HOOK1: variants seen among roughly 807,000 people sequenced by gnomAD.
HOOK1 encodes hook microtubule tethering protein 1.
HOOK1 carries 60 observed loss-of-function variants against 112.8 expected under a neutral mutation model. That is an observed-to-expected ratio of 0.53 (90% CI 0.43 to 0.66). HOOK1 has a LOEUF of 0.66. Ranked by LOEUF, HOOK1 falls within the 30% of genes least tolerant of loss-of-function variation. The probability of loss-of-function intolerance (pLI) is 0.00; values close to 1 mark genes in which losing one functional copy is unlikely to be tolerated. For missense variants in HOOK1, 770 were observed against 856.0 expected (o/e 0.90, Z 1.25); for synonymous variants, 294 against 283.8 (o/e 1.04, Z -0.36).
rs779584411 is a variant in HOOK1, at chr1:59,849,128, C to A, written c.1187C>A (p.Ala396Glu). 19 of 1,609,314 alleles carry A rather than the reference C, an allele frequency of 1.2e-5. No individual in the cohort carries two copies. The African/African-American group carries it at 2.5e-4, about 22-fold the overall frequency. The change falls in exon 12 of 22, where the codon GCG becomes GAG. Residue 396 changes from alanine (A) to glutamate (E), a missense_variant. Coordinates refer to ENST00000371208, the MANE Select transcript of HOOK1 (RefSeq NM_015888.6). ...GAATCCAAGAGGGCAGACACACTAG[C>A]GTTTGAAATGAAGCGGCTTGAAGAA... Reference protein sequence around the residue: ...SSESKRADTLAFEMKRLEEKH... With the variant: ...SSESKRADTLEFEMKRLEEKH...
intron 9 of HOOK1, among the ~76,000 whole-genome samples, chr1:59,843,809 A>T (rs1479199987): frequency 6.6e-6 from 1 of 152,046 alleles, no homozygotes; most frequent in African/African-American, 2.4e-5. Flanking sequence ...AAACAAAACC[A>T]TTTAAATATG....
chr1:59,832,778 A>T (rs1237081884), intron 4 of HOOK1, among the ~76,000 whole-genome samples: 1 of 152,176 alleles, frequency 6.6e-6, no homozygotes, highest in East Asian at 1.9e-4. Context: ...TTTTCCATTA[A>T]AGAATTTTTG....
At position 59,854,038 on chromosome 1, in the gene HOOK1, A is replaced by ATT. The variant is rs869107272; in HGVS notation, c.1243-4360_1243-4359dup. 4.7e-3 allele frequency among the ~76,000 whole-genome samples: 54 copies of ATT among 11,436 alleles called. 6 individuals are homozygous for ATT. The highest frequency in any genetic ancestry group is 0.013 in the East Asian group (5 of 392). 7.5% of individuals were successfully genotyped at this position (11,436 alleles called of 152,430 possible). A position where few individuals can be genotyped will look rare whatever the true frequency, so the allele number is the denominator to read the frequency against. ...TATATATATATATATATATATATAT[A>ATT]TTTTTTTTTTTTTTTTTTTTTTTTT... On this transcript the variant is annotated intron_variant, in intron 12 of 21. Transcript: ENST00000371208.
intron 7 of HOOK1, among the ~76,000 whole-genome samples, chr1:59,839,192 G>T (rs747982048): frequency 6.6e-6 from 1 of 152,134 alleles, no homozygotes; most frequent in Admixed American, 6.5e-5. Flanking sequence ...CTCTTTTTTG[G>T]TTCCATATGA....
In HOOK1 at chr1:59,815,194, G is replaced by A. The variant is rs1364695963; in HGVS notation, c.63+14G>A. On this transcript the variant is annotated intron_variant, in intron 1 of 21. Transcript: ENST00000371208. ...CTCATGATCTGGGTGAGTGCGAGGA[G>A]GCGAGAGGGCGAGGGGGCCAGGGGG... is the stretch of plus-strand genomic sequence containing the variant. 5 of 1,541,810 alleles carry A rather than the reference G, an allele frequency of 3.2e-6. 1 individual carries two copies. The South Asian group carries it at 4.8e-5, about 15-fold the overall frequency.
chr1:59,845,507 G>A (rs1257518641), intron 9 of HOOK1, among the ~76,000 whole-genome samples: 1 of 151,602 alleles, frequency 6.6e-6, no homozygotes, highest in African/African-American at 2.4e-5. Flanking sequence ...CTGTAGAGTT[G>A]TTCGATGTGC....
In HOOK1 at chr1:59,843,352, A is replaced by G. The variant is rs992314752; in HGVS notation, c.622-80A>G. ...AATGGCTTAGTCAGATCTAGAATCC[A>G]GAACTCTAGACTCTAATAAGAATTT... is the stretch of plus-strand genomic sequence containing the variant. On this transcript the variant is annotated intron_variant, in intron 8 of 21. Transcript: ENST00000371208. The G allele has an allele frequency of 7.1e-6, 7 of 983,956 alleles. No individual in the cohort carries two copies. The East Asian group carries it at 1.8e-4, about 26-fold the overall frequency. The allele number at this position is 983,956 out of a possible 1,614,324, so 61.0% of individuals were successfully genotyped here.
At chr1:59,822,467 A>G (rs1431031987) in intron 2 of HOOK1, among the ~76,000 whole-genome samples, 2 of 152,210 alleles carry the variant, frequency 1.3e-5, no homozygotes, top group Non-Finnish European at 2.9e-5. Flanking sequence ...TTGAAGTCAC[A>G]GGTACTGGGA....
At chr1:59,848,586 T>A in intron 11 of HOOK1, 70 bp downstream of exon 11, 1 of 1,052,512 alleles carries the variant, frequency 9.5e-7, no homozygotes, top group Non-Finnish European at 1.4e-6. Context: ...TTTGATGTCT[T>A]AAGAATGGTA....
chr1:59,820,005 A>C (rs558372994), intron 1 of HOOK1, among the ~76,000 whole-genome samples: 1 of 152,142 alleles, frequency 6.6e-6, no homozygotes, highest in Non-Finnish European at 1.5e-5. Flanking sequence ...GGTCTGCCTG[A>C]CTCAGGCATA....
chr1:59,826,977 C>T (rs2098390421), intron 2 of HOOK1, among the ~76,000 whole-genome samples: 1 of 152,062 alleles, frequency 6.6e-6, no homozygotes, highest in South Asian at 2.1e-4. Context: ...GTTGGTCAGC[C>T]TGGTCTCAAA....
intron 12 of HOOK1, among the ~76,000 whole-genome samples, chr1:59,851,769 T>G (rs913114274): frequency 5.3e-5 from 8 of 151,666 alleles, no homozygotes; most frequent in African/African-American, 1.9e-4. Context: ...TTTTCACCAT[T>G]ATGTATGATA....
Position 59,815,413 on chromosome 1 carries a change from TGGAGGCTCTGGTCTCAA to T in HOOK1, c.63+234_63+250del, listed in dbSNP as rs1574164079. On this transcript the variant is annotated intron_variant, in intron 1 of 21. Transcript: ENST00000371208. Reference sequence around the variant, plus strand: ...AAAGGAAGCTCTGGGAGCGTAACAGTGGAGGCTCTGGTCTCAACCAGAGGATTCGACCTGCCTGGTGC... The same window carrying T: ...AAAGGAAGCTCTGGGAGCGTAACAGTCCAGAGGATTCGACCTGCCTGGTGC... The T allele has an allele frequency of 6.3e-5, 36 of 568,694 alleles. 1 individual carries two copies. Among genetic ancestry groups the T allele is most frequent in the South Asian group, 5.5e-4 (27 of 49,282 alleles). 35.2% of individuals were successfully genotyped at this position (568,694 alleles called of 1,614,324 possible).
At chr1:59,869,287 G>T (rs1405750168) in intron 20 of HOOK1, among the ~76,000 whole-genome samples, 3 of 151,942 alleles carry the variant, frequency 2.0e-5, no homozygotes, top group Non-Finnish European at 4.4e-5. Flanking sequence ...CGCCTCCCAG[G>T]TTCAAGCAAT....
chr1:59,826,371 T>A (rs1405467971), intron 2 of HOOK1, among the ~76,000 whole-genome samples: 1 of 151,940 alleles, frequency 6.6e-6, no homozygotes, highest in African/African-American at 2.4e-5. Flanking sequence ...GCCCTGAGAT[T>A]TCTGAGGTTG....
intron 1 of HOOK1, among the ~76,000 whole-genome samples, chr1:59,816,656 G>A (rs2098381772): frequency 1.3e-5 from 2 of 152,194 alleles, no homozygotes; most frequent in African/African-American, 4.8e-5. Context: ...GACTTCCAAT[G>A]TTGAGCTAGG....
chr1:59,855,003 C>T (rs1268398774), intron 12 of HOOK1, among the ~76,000 whole-genome samples: 1 of 152,096 alleles, frequency 6.6e-6, no homozygotes, highest in East Asian at 1.9e-4. Flanking sequence ...TGGACGACAA[C>T]AAGCAGTCAA....
chr1:59,858,507 A>G lies in HOOK1; in HGVS notation c.1322A>G (p.Asn441Ser), dbSNP rs1407266122. The G allele has an allele frequency of 6.2e-7, 1 of 1,608,066 alleles. No individual in the cohort carries two copies. Among genetic ancestry groups the G allele is most frequent in the South Asian group, 1.1e-5 (1 of 90,948 alleles). Residue 441 changes from asparagine (N) to serine (S), a missense_variant, in exon 13 of 22, where the codon AAC (asparagine) becomes AGC (serine). Coordinates refer to ENST00000371208, the MANE Select transcript of HOOK1 (RefSeq NM_015888.6). Reference protein sequence around the residue: ...RCSQVQQDHLNQTDASATKSY... With the variant: ...RCSQVQQDHLSQTDASATKSY... ...TCACAAGTACAACAGGACCACCTAAACCAAACAGGTTAATTTTGTTAGATT... is the reference window on the plus strand; with the variant it reads ...TCACAAGTACAACAGGACCACCTAAGCCAAACAGGTTAATTTTGTTAGATT...
intron 7 of HOOK1, among the ~76,000 whole-genome samples, chr1:59,838,264 C>T (rs1471562300): frequency 2.0e-5 from 3 of 152,260 alleles, no homozygotes; most frequent in Middle Eastern, 3.4e-3. Flanking sequence ...CTTGAGGAAT[C>T]GCCACACTGT....
Sources: gnomAD v4.1 joint callset for allele counts (sites outside exome capture counted in the v4.1 genomes callset) on GRCh38, gnomAD v4.1.1 for gene constraint, MANE v1.5 for transcripts, NCBI Gene and HGNC (gene_info 2026-07-23, HGNC 2026-07-21) for gene names.